ITGB5: variants seen among roughly 807,000 people sequenced by gnomAD.
The protein encoded by ITGB5 is integrin beta-5.
A neutral mutation model predicts 84.8 loss-of-function variants in ITGB5; 38 were observed. The ratio of observed to expected loss-of-function variants is 0.45; its 90% confidence interval spans 0.35 to 0.59. The LOEUF (loss-of-function observed/expected upper bound fraction) is 0.59, where lower values mean the gene tolerates loss of function less well. Ranked by LOEUF, ITGB5 falls within the 20% of genes least tolerant of loss-of-function variation. The pLI is 0.01. For synonymous variants in ITGB5, 393 were observed against 414.4 expected, an observed-to-expected ratio of 0.95 and a Z score of 0.63; for missense variants, 905 against 1,034.5, an observed-to-expected ratio of 0.87 and a Z score of 1.72.
At position 124,873,417 on chromosome 3, in the gene ITGB5, C is replaced by T; in HGVS notation, c.156+29G>A. 4 of 1,510,352 alleles carry T rather than the reference C, an allele frequency of 2.6e-6. No individual in the cohort carries two copies. In the South Asian group the frequency reaches 3.4e-5, roughly 13 times the overall value. 93.6% of individuals were successfully genotyped at this position (1,510,352 alleles called of 1,614,324 possible). A position where few individuals can be genotyped will look rare whatever the true frequency, so the allele number is the denominator to read the frequency against. ...CCCTCACCCTCGCAGCATTCCTTCC[C>T]TTCTTCCTCCCCTCCCCCACCTACA... On this transcript the variant is annotated intron_variant, in intron 2 of 14. Coordinates refer to ENST00000296181, the MANE Select transcript of ITGB5 (RefSeq NM_002213.5).
upstream of ITGB5, among the ~76,000 whole-genome samples, chr3:124,889,582 A>G (rs1355792077): frequency 3.3e-5 from 5 of 152,206 alleles, no homozygotes; most frequent in African/African-American, 1.2e-4. Context: ...ATATTCTATA[A>G]TATCCTCATG....
intron 2 of ITGB5, among the ~76,000 whole-genome samples, chr3:124,866,049 G>A (rs1031554540): frequency 2.0e-5 from 3 of 152,154 alleles, no homozygotes; most frequent in African/African-American, 4.8e-5. Flanking sequence ...AGGCTGGAGT[G>A]CAGTGGTATG....
intron 10 of ITGB5, among the ~76,000 whole-genome samples, chr3:124,790,829 T>G (rs1053381070): frequency 6.6e-6 from 1 of 152,182 alleles, no homozygotes; most frequent in Admixed American, 6.5e-5. Context: ...GACGTATACA[T>G]GAGACCTTAC....
At chr3:124,801,175 G>C (rs2064310208) in intron 9 of ITGB5, among the ~76,000 whole-genome samples, 1 of 152,174 alleles carries the variant, frequency 6.6e-6, no homozygotes, top group Admixed American at 6.5e-5. Context: ...CCCATGACGG[G>C]GTTCACTGGC....
intron 5 of ITGB5, among the ~76,000 whole-genome samples, chr3:124,831,766 G>A (rs778268417): frequency 1.2e-4 from 18 of 152,086 alleles, no homozygotes; most frequent in East Asian, 3.9e-4. Flanking sequence ...TGTTATCAAC[G>A]CAGCCCAGGG....
At chr3:124,826,158 AG>A (rs1011469667) in intron 5 of ITGB5, among the ~76,000 whole-genome samples, 29 of 152,336 alleles carry the variant, frequency 1.9e-4, no homozygotes, top group African/African-American at 7.0e-4. Flanking sequence ...TTAAAGTTAT[AG>A]ACAATTTTTT....
chr3:124,809,260 A>T, intron 8 of ITGB5, 104 bp from the exon 9 acceptor site: 1 of 1,258,698 alleles, frequency 7.9e-7, no homozygotes, highest in Non-Finnish European at 1.1e-6. Context: ...CTAACTCAGG[A>T]ATCCCAAGCC....
upstream of ITGB5, among the ~76,000 whole-genome samples, chr3:124,891,390 A>C (rs1934998377): frequency 6.6e-6 from 1 of 152,112 alleles, no homozygotes; most frequent in Non-Finnish European, 1.5e-5. Flanking sequence ...AGCCTTTAAA[A>C]GAAATGAAGG....
At chr3:124,764,288 A>T in intron 14 of ITGB5, 103 bp downstream of exon 14, 1 of 1,245,548 alleles carries the variant, frequency 8.0e-7, no homozygotes, top group Non-Finnish European at 1.1e-6. Context: ...TTTTGTTTTT[A>T]ATGCCAAAGA....
At chr3:124,882,834 C>T (rs1426370259) in intron 1 of ITGB5, among the ~76,000 whole-genome samples, 1 of 152,096 alleles carries the variant, frequency 6.6e-6, no homozygotes, top group Non-Finnish European at 1.5e-5. Context: ...CAGGGTACCC[C>T]GCAGTGCCTT....
intron 6 of ITGB5, 138 bp downstream of exon 6, chr3:124,821,175 C>A: frequency 3.2e-6 from 3 of 936,382 alleles, no homozygotes; most frequent in Non-Finnish European, 4.8e-6. Context: ...AATAATGAAA[C>A]CCAACCCCAA....
At chr3:124,817,302 C>T (rs2086272) in intron 8 of ITGB5, among the ~76,000 whole-genome samples, 26,439 of 152,130 alleles carry the variant, frequency 0.17, 2,517 homozygotes, top group Admixed American at 0.26. Flanking sequence ...GAGAATACCA[C>T]TGCCTGCCTA....
chr3:124,769,872 A>G (rs1481994349), intron 11 of ITGB5: 1 of 152,256 alleles, frequency 6.6e-6, no homozygotes, highest in Non-Finnish European at 1.5e-5. Context: ...GGCCTCCTCT[A>G]GAAAATGGAT....
In ITGB5 at chr3:124,773,546, AGAATGCGGCTCCCCAGC is replaced by A. The variant is rs1441446396; in HGVS notation, c.1916+127_1916+143del. ...GCCACAGTTTCAGTTACGGTTGGTAAGAATGCGGCTCCCCAGCGAGGCTTGCTGGGTGGGAGATGCAG... is the reference window on the plus strand; with the variant it reads ...GCCACAGTTTCAGTTACGGTTGGTAAGAGGCTTGCTGGGTGGGAGATGCAG... On this transcript the variant is annotated intron_variant, in intron 11 of 14. Transcript: ENST00000296181. 6 of 668,636 alleles carry A rather than the reference AGAATGCGGCTCCCCAGC, an allele frequency of 9.0e-6. No individual in the cohort carries two copies. The Admixed American group carries it at 1.4e-4, about 16-fold the overall frequency. 41.4% of individuals were successfully genotyped at this position (668,636 alleles called of 1,614,324 possible).
chr3:124,794,146 C>T (rs984528170), intron 10 of ITGB5, among the ~76,000 whole-genome samples: 2 of 152,198 alleles, frequency 1.3e-5, no homozygotes, highest in African/African-American at 4.8e-5. Flanking sequence ...CCCTGGAAAC[C>T]ACAGAATACA....
chr3:124,842,122 A>G (rs1181226322), intron 4 of ITGB5, among the ~76,000 whole-genome samples: 1 of 152,264 alleles, frequency 6.6e-6, no homozygotes, highest in Non-Finnish European at 1.5e-5. Context: ...AAAACATCTT[A>G]TCTGCTTCTT....
chr3:124,768,683 C>T (rs74885273), intron 12 of ITGB5, among the ~76,000 whole-genome samples: 2,338 of 152,234 alleles, frequency 0.015, 25 homozygotes, highest in Middle Eastern at 0.027. Context: ...TTGGCTATAG[C>T]GAATAATGCT....
At chr3:124,795,116 C>T (rs1211089229) in intron 10 of ITGB5, among the ~76,000 whole-genome samples, 2 of 152,100 alleles carry the variant, frequency 1.3e-5, no homozygotes, top group African/African-American at 2.4e-5. Flanking sequence ...AGATGTTTGA[C>T]AGGTTGTCAC....
At chr3:124,773,161 C>A (rs1356927952) in intron 11 of ITGB5, among the ~76,000 whole-genome samples, 2 of 152,190 alleles carry the variant, frequency 1.3e-5, no homozygotes, top group Non-Finnish European at 2.9e-5. Context: ...CCCGTCTTGG[C>A]CTCCCAAAGA....
Sources: allele counts gnomAD v4.1 joint callset (sites outside exome capture counted in the v4.1 genomes callset), GRCh38; gene constraint gnomAD v4.1.1; transcripts MANE v1.5; gene names NCBI Gene and HGNC (gene_info 2026-07-23, HGNC 2026-07-21).